BICDL1: variants seen among roughly 807,000 people sequenced by gnomAD.
The protein encoded by BICDL1 is BICD family-like cargo adapter 1.
A neutral mutation model predicts 76.8 loss-of-function variants in BICDL1; 20 were observed. The observed-to-expected ratio is 0.26, with a 90% CI of 0.18 to 0.38. The LOEUF (loss-of-function observed/expected upper bound fraction) is 0.38. BICDL1 is among the 10% of genes least tolerant of loss of function. BICDL1 has a pLI of 1.00. For synonymous variants in BICDL1, 383 were observed against 337.1 expected (o/e 1.14, Z -1.49); for missense variants, 700 against 798.6 (o/e 0.88, Z 1.49).
intron 2 of BICDL1, among the ~76,000 whole-genome samples, chr12:120,032,031 GC>G (rs1331872254): frequency 1.3e-5 from 2 of 152,176 alleles, no homozygotes; most frequent in African/African-American, 2.4e-5. Flanking sequence ...GTTTGAGGCT[GC>G]AGTGAGCTAT....
intron 2 of BICDL1, among the ~76,000 whole-genome samples, chr12:120,006,353 A>C (rs1323748324): frequency 6.6e-6 from 1 of 152,202 alleles, no homozygotes; most frequent in African/African-American, 2.4e-5. Flanking sequence ...TCATTCATTC[A>C]TTCATTCATT....
At chr12:120,011,121 A>G (rs1951944276) in intron 2 of BICDL1, among the ~76,000 whole-genome samples, 1 of 152,308 alleles carries the variant, frequency 6.6e-6, no homozygotes, top group South Asian at 2.1e-4. Flanking sequence ...TCCTCCAGCC[A>G]TCTTCCATCT....
At chr12:120,044,866 C>T (rs997657408) in intron 2 of BICDL1, among the ~76,000 whole-genome samples, 15 of 152,076 alleles carry the variant, frequency 9.9e-5, no homozygotes, top group Non-Finnish European at 1.0e-4. Flanking sequence ...GTTCTTTTGG[C>T]GTAGGATTGA....
At chr12:120,019,201 G>A (rs937767469) in intron 2 of BICDL1, 1 of 152,054 alleles carries the variant, frequency 6.6e-6, no homozygotes, top group Non-Finnish European at 1.5e-5. Flanking sequence ...TTAGTAGTGT[G>A]ATTGTGCCTA....
intron 2 of BICDL1, among the ~76,000 whole-genome samples, chr12:120,031,381 T>A (rs1185626452): frequency 6.6e-6 from 1 of 151,968 alleles, no homozygotes; most frequent in Non-Finnish European, 1.5e-5. Flanking sequence ...TTTTTTTGTA[T>A]TTTTAGTAGA....
At chr12:120,084,876 C>T (rs559478811) in intron 8 of BICDL1, among the ~76,000 whole-genome samples, 89 of 150,028 alleles carry the variant, frequency 5.9e-4, no homozygotes, top group African/African-American at 2.1e-3. Context: ...GGCAACAGAA[C>T]GGGGACTCTG....
At chr12:120,082,720 C>T (rs749408747) in intron 8 of BICDL1, among the ~76,000 whole-genome samples, 15 of 151,666 alleles carry the variant, frequency 9.9e-5, no homozygotes, top group Non-Finnish European at 1.6e-4. Context: ...GTAGCTGTGC[C>T]ACCATGCCGG....
At chr12:120,038,896 G>C (rs941746653) in intron 2 of BICDL1, among the ~76,000 whole-genome samples, 5 of 152,080 alleles carry the variant, frequency 3.3e-5, no homozygotes, top group African/African-American at 1.2e-4. Context: ...GGTTCAGGGT[G>C]GGTACTCAGT....
chr12:120,086,425 A>G (rs180825157), intron 8 of BICDL1, among the ~76,000 whole-genome samples: 25 of 152,312 alleles, frequency 1.6e-4, no homozygotes, highest in Non-Finnish European at 2.8e-4. Context: ...GCACATTACA[A>G]TCATCTGGGG....
Position 120,080,959 on chromosome 12 carries a change from A to G in BICDL1, c.1525A>G (p.Lys509Glu). The G allele has an allele frequency of 6.2e-7, 1 of 1,613,868 alleles. No homozygotes were observed. Among genetic ancestry groups the G allele is most frequent in the Non-Finnish European group, 8.5e-7 (1 of 1,179,902 alleles). ...CCGACTCAGAGTCACTTCTGAGGAC[A>G]AGGAGCCAAAGGAGCAGCTTCAGAA... ...RDRLRVTSED[K>E]EPKEQLQKAI... Residue 509 changes from lysine to glutamate, a missense_variant, in exon 8 of 10, where the codon AAG becomes GAG. Physicochemically the swap from Lys to Glu is moderately conservative, Grantham distance 56. Coordinates refer to ENST00000548673, the MANE Select transcript of BICDL1 (RefSeq NM_001367886.1).
At chr12:120,035,376 G>A (rs1232864367) in intron 2 of BICDL1, among the ~76,000 whole-genome samples, 1 of 152,126 alleles carries the variant, frequency 6.6e-6, no homozygotes, top group East Asian at 1.9e-4. Context: ...ACTGCTTATT[G>A]TGTACCAAGC....
chr12:120,091,686 A>T, intron 9 of BICDL1: 1 of 985,316 alleles, frequency 1.0e-6, no homozygotes, highest in East Asian at 1.1e-4. Flanking sequence ...GCCCTGAGCC[A>T]GAGCGCGTGA....
At position 120,064,748 on chromosome 12, in the gene BICDL1, G is replaced by C; in HGVS notation, c.778G>C (p.Asp260His). The change falls in exon 4 of 10, where the codon GAT becomes CAT. Residue 260 changes from aspartate (D) to histidine (H), a missense_variant. This residue lies in a region of BICDL1 where 455 missense variants were observed against 548.7 expected (regional missense o/e 0.83). Transcript: ENST00000548673. ...ACCCTTTCAGATCAAGATGCTGTCAGATCGGAAACGGGAGCTGGAGCATCG... is the reference window on the plus strand; with the variant it reads ...ACCCTTTCAGATCAAGATGCTGTCACATCGGAAACGGGAGCTGGAGCATCG... Reference protein sequence around the residue: ...SLQAEIKMLSDRKRELEHRLS... With the variant: ...SLQAEIKMLSHRKRELEHRLS... The C allele has an allele frequency of 6.2e-7, 1 of 1,611,656 alleles. No homozygotes were observed. Among genetic ancestry groups the C allele is most frequent in the East Asian group, 2.2e-5 (1 of 44,768 alleles).
intron 2 of BICDL1, among the ~76,000 whole-genome samples, chr12:120,003,867 C>T (rs1407393414): frequency 3.9e-5 from 6 of 152,164 alleles, no homozygotes; most frequent in African/African-American, 1.2e-4. Context: ...AAAAAATTCT[C>T]GTCTCATGGG....
intron 2 of BICDL1, among the ~76,000 whole-genome samples, chr12:120,053,560 C>A (rs1444608545): frequency 6.6e-6 from 1 of 152,188 alleles, no homozygotes; most frequent in Non-Finnish European, 1.5e-5. Context: ...GGAGCTCCTT[C>A]AGATTGACTC....
chr12:120,060,868 C>T (rs942622683), intron 2 of BICDL1, among the ~76,000 whole-genome samples: 5 of 152,298 alleles, frequency 3.3e-5, no homozygotes, highest in South Asian at 4.1e-4. Flanking sequence ...CTTTCCTGGC[C>T]GTTCCAGCAC....
rs143777152 is a variant in BICDL1 at position 120,057,818 on chromosome 12, C to CTTT, written c.646-3864_646-3862dup. Among the ~76,000 whole-genome samples the CTTT allele has an allele frequency of 6.8e-4, 53 of 78,322 alleles. 2 individuals carry two copies. Among genetic ancestry groups the CTTT allele is most frequent in the Non-Finnish European group, 8.0e-4 (36 of 44,758 alleles). 51.4% of individuals were successfully genotyped at this position (78,322 alleles called of 152,430 possible). On this transcript the variant is annotated intron_variant, in intron 2 of 9. Transcript: ENST00000548673. ...TGCAAAAGGAGGCCAGCGATTCCTG[C>CTTT]TTTTTTTTTTTTTTTTTTTTTTTTT... is the stretch of plus-strand genomic sequence containing the variant.
At position 120,071,493 on chromosome 12, in the gene BICDL1, C is replaced by T. The variant is rs1873100830; in HGVS notation, c.910-129C>T. ...GAGTGCATCTCCTGATGTAGTTTAA[C>T]ATGTTCTTCTCTCCTATTTATTTTT... On this transcript the variant is annotated intron_variant, in intron 4 of 9. Coordinates refer to ENST00000548673, the MANE Select transcript of BICDL1 (RefSeq NM_001367886.1). The surrounding 1 kb of genome is among the most constrained non-coding windows in gnomAD (Gnocchi z 4.8). The T allele has an allele frequency of 7.6e-7, 1 of 1,311,662 alleles. No individual in the cohort carries two copies. Among genetic ancestry groups the T allele is most frequent in the Non-Finnish European group, 1.0e-6 (1 of 991,612 alleles). 81.3% of individuals were successfully genotyped at this position (1,311,662 alleles called of 1,614,324 possible). A position where few individuals can be genotyped will look rare whatever the true frequency, so the allele number is the denominator to read the frequency against.
At chr12:120,068,884 C>T (rs1275803059) in intron 4 of BICDL1, among the ~76,000 whole-genome samples, 2 of 152,056 alleles carry the variant, frequency 1.3e-5, no homozygotes, top group Non-Finnish European at 2.9e-5. Context: ...AGAGTTGTAC[C>T]CTATTGTGAA....
Sources: gnomAD v4.1 joint callset for allele counts (sites outside exome capture counted in the v4.1 genomes callset) on GRCh38, gnomAD v4.1.1 for gene constraint, gnomAD v4.1.1 regional missense constraint, Gnocchi (gnomAD v3.1) non-coding constraint, MANE v1.5 for transcripts, NCBI Gene and HGNC (gene_info 2026-07-23, HGNC 2026-07-21) for gene names.